Variants in TMEM178B observed in about 807,000 individuals in gnomAD.
TMEM178B encodes transmembrane protein 178B.
TMEM178B carries 5 observed loss-of-function variants against 31.0 expected under a neutral mutation model. The observed-to-expected ratio is 0.16, with a 90% CI of 0.08 to 0.34. TMEM178B has a LOEUF of 0.34. TMEM178B is among the 10% of genes least tolerant of loss of function. TMEM178B has a pLI of 1.00. For synonymous variants in TMEM178B, 164 were observed against 164.0 expected (o/e 1.00, Z 0.00); for missense variants, 275 against 400.3 (o/e 0.69, Z 2.67).
intron 2 of TMEM178B, among the ~76,000 whole-genome samples, chr7:141,431,898 T>C (rs1010404547): frequency 1.3e-5 from 2 of 152,086 alleles, no homozygotes; most frequent in African/African-American, 4.8e-5. Flanking sequence ...GATTGACACA[T>C]AGGTTAACGA....
At chr7:141,385,202 C>T (rs1178532802) in intron 2 of TMEM178B, among the ~76,000 whole-genome samples, 1 of 152,180 alleles carries the variant, frequency 6.6e-6, no homozygotes, top group Non-Finnish European at 1.5e-5. Flanking sequence ...GACACTGTTC[C>T]TGATGTTTCA....
chr7:141,180,931 G>T (rs937204150), intron 1 of TMEM178B, among the ~76,000 whole-genome samples: 1 of 152,126 alleles, frequency 6.6e-6, no homozygotes, highest in African/African-American at 2.4e-5. Flanking sequence ...TTTAAAAAAG[G>T]CTCCATGTAA....
intron 1 of TMEM178B, among the ~76,000 whole-genome samples, chr7:141,109,132 G>A (rs1795194365): frequency 6.6e-6 from 1 of 152,152 alleles, no homozygotes; most frequent in Admixed American, 6.6e-5. Flanking sequence ...AATTATGGGA[G>A]TACAACTCAA....
At chr7:141,410,258 C>A (rs574603098) in intron 2 of TMEM178B, among the ~76,000 whole-genome samples, 1 of 152,304 alleles carries the variant, frequency 6.6e-6, no homozygotes, top group Admixed American at 6.5e-5. Context: ...AGCTGCCAGC[C>A]TAGAGGAGCA....
rs561892103 is a variant in TMEM178B at position 141,250,346 on chromosome 7, G to A, written c.496+37642G>A. On this transcript the variant is annotated intron_variant, in intron 2 of 3. Coordinates refer to ENST00000565468, the MANE Select transcript of TMEM178B (RefSeq NM_001195278.2). ...ACTTTATAGATGAGAAAATTGAAGT[G>A]CAGAGAGCTTAAGTAACTTGTTCAA... Among the ~76,000 whole-genome samples the A allele has an allele frequency of 1.4e-4, 21 of 152,288 alleles. No homozygotes were observed. In the East Asian group the frequency reaches 4.1e-3, roughly 29 times the overall value.
intron 1 of TMEM178B, among the ~76,000 whole-genome samples, chr7:141,123,119 T>C (rs1795435909): frequency 6.6e-6 from 1 of 152,266 alleles, no homozygotes. Context: ...GTCCTGCATG[T>C]TGCCTTAGCC....
At chr7:141,339,117 G>T (rs1252225354) in intron 2 of TMEM178B, among the ~76,000 whole-genome samples, 2 of 152,166 alleles carry the variant, frequency 1.3e-5, no homozygotes, top group African/African-American at 4.8e-5. Flanking sequence ...CTCAAGCGGG[G>T]TAATTTCTTC....
At chr7:141,239,471 C>G (rs1008709632) in intron 2 of TMEM178B, among the ~76,000 whole-genome samples, 1 of 152,136 alleles carries the variant, frequency 6.6e-6, no homozygotes, top group Non-Finnish European at 1.5e-5. Flanking sequence ...CCCAATTGAC[C>G]TGTCATTGGG....
At position 141,117,357 on chromosome 7, in the gene TMEM178B, G is replaced by T. The variant is rs189586824; in HGVS notation, c.382+42665G>T. Among the ~76,000 whole-genome samples the T allele has an allele frequency of 3.6e-3, 539 of 150,888 alleles. 4 individuals carry two copies. The highest frequency in any genetic ancestry group is 0.013 in the African/African-American group (522 of 41,136). On this transcript the variant is annotated intron_variant, in intron 1 of 3. Transcript: ENST00000565468. ...CATATCCTTTGCCCACTTTTTGATG[G>T]TTTTTTTTTCTTGTAAATCTATTTA...
chr7:141,149,375 T>G (rs1795916794), intron 1 of TMEM178B, among the ~76,000 whole-genome samples: 1 of 152,058 alleles, frequency 6.6e-6, no homozygotes, highest in South Asian at 2.1e-4. Flanking sequence ...GAAAACCCCA[T>G]CTCTACTAAA....
intron 1 of TMEM178B, among the ~76,000 whole-genome samples, chr7:141,140,111 C>T (rs112959723): frequency 0.059 from 9,041 of 152,228 alleles, 918 homozygotes; most frequent in African/African-American, 0.21. Context: ...AGGTCTTGAG[C>T]GTCTGGCGCT....
At chr7:141,254,737 CA>C (rs1034099948) in intron 2 of TMEM178B, among the ~76,000 whole-genome samples, 4 of 152,052 alleles carry the variant, frequency 2.6e-5, no homozygotes, top group African/African-American at 9.6e-5. Flanking sequence ...AACAAACAAA[CA>C]AAAAAGCTTG....
intron 3 of TMEM178B, among the ~76,000 whole-genome samples, chr7:141,468,432 A>G (rs190720419): frequency 6.6e-6 from 1 of 152,220 alleles, no homozygotes; most frequent in Admixed American, 6.5e-5. Flanking sequence ...GCCTGGCACC[A>G]GTTGTAAACA....
intron 2 of TMEM178B, among the ~76,000 whole-genome samples, chr7:141,420,059 G>A (rs1801175725): frequency 6.6e-6 from 1 of 152,014 alleles, no homozygotes; most frequent in African/African-American, 2.4e-5. Context: ...CCTTCCTCAG[G>A]TGTCTGCTTA....
At chr7:141,364,007 A>C (rs1489548456) in intron 2 of TMEM178B, among the ~76,000 whole-genome samples, 6 of 152,050 alleles carry the variant, frequency 3.9e-5, no homozygotes, top group African/African-American at 1.4e-4. Flanking sequence ...AAGGTTAAGA[A>C]GGCTTCATAC....
intron 1 of TMEM178B, among the ~76,000 whole-genome samples, chr7:141,193,110 G>C (rs1427368367): frequency 6.6e-6 from 1 of 152,142 alleles, no homozygotes; most frequent in Non-Finnish European, 1.5e-5. Flanking sequence ...CCTGCAGCCT[G>C]CTTCTCCTAT....
intron 2 of TMEM178B, among the ~76,000 whole-genome samples, chr7:141,383,143 A>C (rs1049484706): frequency 1.5e-4 from 22 of 149,256 alleles, no homozygotes; most frequent in African/African-American, 5.5e-4. Context: ...CATTGCTTTT[A>C]TTTTCTTTCT....
rs144587482 is a variant in TMEM178B, at chr7:141,318,410, G to A, written c.496+105706G>A. The stretch of plus-strand genomic sequence containing the variant: ...CCAAGCTGGCTTGAATTAATCTAGT[G>A]GGGGGAAAACCCAAGTGTTTGGTTT... On this transcript the variant is annotated intron_variant, in intron 2 of 3. Coordinates refer to ENST00000565468, the MANE Select transcript of TMEM178B (RefSeq NM_001195278.2). This position sits in a 1 kb window ranked among gnomAD's most constrained non-coding sequence, Gnocchi z 4.1. 1.2e-3 allele frequency among the ~76,000 whole-genome samples: 186 copies of A among 152,244 alleles called. 2 individuals carry two copies. Among genetic ancestry groups the A allele is most frequent in the African/African-American group, 4.1e-3 (171 of 41,542 alleles).
chr7:141,241,800 A>C (rs1797627172), intron 2 of TMEM178B, among the ~76,000 whole-genome samples: 1 of 152,154 alleles, frequency 6.6e-6, no homozygotes, highest in Non-Finnish European at 1.5e-5. Flanking sequence ...GAAAAAGTAA[A>C]AAGGAATGGG....
Sources: gnomAD v4.1 joint callset for allele counts (sites outside exome capture counted in the v4.1 genomes callset) on GRCh38, gnomAD v4.1.1 for gene constraint, Gnocchi (gnomAD v3.1) non-coding constraint, MANE v1.5 for transcripts, NCBI Gene and HGNC (gene_info 2026-07-23, HGNC 2026-07-21) for gene names.